The following RBM17 variants were observed in gnomAD, a reference collection of about 807,000 sequenced individuals.
RBM17 encodes the protein RNA binding motif protein 17.
In RBM17, 7 loss-of-function variants were observed where a neutral mutation model predicts 53.2. The observed-to-expected ratio is 0.13, with a 90% CI of 0.07 to 0.25. The LOEUF (loss-of-function observed/expected upper bound fraction) is 0.25, where lower values mean the gene tolerates loss of function less well. Ranked by LOEUF, RBM17 falls within the 10% of genes least tolerant of loss-of-function variation. RBM17 has a pLI of 1.00. For missense variants in RBM17, 257 were observed against 496.7 expected (o/e 0.52, Z 4.59); for synonymous variants, 167 against 178.1 (o/e 0.94, Z 0.50).
At position 6,112,408 on chromosome 10, in the gene RBM17, A is replaced by G. The variant is rs1840853215; in HGVS notation, c.856+47A>G. The G allele has an allele frequency of 6.2e-7, 1 of 1,607,348 alleles. No individual in the cohort carries two copies. Among genetic ancestry groups the G allele is most frequent in the South Asian group, 1.1e-5 (1 of 90,408 alleles). On this transcript the variant is annotated intron_variant, in intron 8 of 11. Transcript: ENST00000379888. This position sits in a 1 kb window ranked among gnomAD's most constrained non-coding sequence, Gnocchi z 4.4. The stretch of plus-strand genomic sequence containing the variant: ...TGACTAGAGGGAAAGGACTGGCCCC[A>G]TCCATATCAGACATGGCCAGTCTTG...
At chr10:6,096,175 T>A (rs985727891) in intron 1 of RBM17, among the ~76,000 whole-genome samples, 2 of 152,204 alleles carry the variant, frequency 1.3e-5, no homozygotes, top group Admixed American at 6.5e-5. Context: ...GGTTTCAGAA[T>A]GTTGATTTTT....
chr10:6,090,746 A>G (rs1278196903), intron 1 of RBM17, among the ~76,000 whole-genome samples: 1 of 152,022 alleles, frequency 6.6e-6, no homozygotes, highest in Non-Finnish European at 1.5e-5. Context: ...ATTACAGGTG[A>G]CTGTAGTGGA....
At chr10:6,097,000 C>A in intron 1 of RBM17, 48 bp from the exon 2 acceptor site, 1 of 1,547,032 alleles carries the variant, frequency 6.5e-7, no homozygotes, top group South Asian at 1.2e-5. Flanking sequence ...CATGAAAAGC[C>A]TTTATTGAAT....
intron 1 of RBM17, among the ~76,000 whole-genome samples, chr10:6,095,780 T>C (rs1404966087): frequency 1.3e-5 from 2 of 152,150 alleles, no homozygotes; most frequent in African/African-American, 4.8e-5. Flanking sequence ...TGGTGTGCAC[T>C]CCGTCCCCCA....
At chr10:6,107,617 G>T (rs1445338765) in intron 5 of RBM17, among the ~76,000 whole-genome samples, 1 of 150,232 alleles carries the variant, frequency 6.7e-6, no homozygotes, top group Non-Finnish European at 1.5e-5. Context: ...AAGTAGCTGG[G>T]ATTACAGGTG....
rs1471757150 is a variant in RBM17, at chr10:6,115,801, G to C, written c.*245G>C. On this transcript the variant is annotated 3_prime_UTR_variant, in exon 12 of 12. Coordinates refer to ENST00000379888, the MANE Select transcript of RBM17 (RefSeq NM_032905.5). ...GTTTCTCTTTTTTATTATTACTCCT[G>C]AGTTGATGACATTTTTTGTTAGATT... is the stretch of plus-strand genomic sequence containing the variant. The C allele has an allele frequency of 9.9e-6, 3 of 301,960 alleles. No individual in the cohort carries two copies. The highest frequency in any genetic ancestry group is 1.8e-5 in the Non-Finnish European group (3 of 169,054). The allele number at this position is 301,960 out of a possible 1,614,324, so 18.7% of individuals were successfully genotyped here. A position where few individuals can be genotyped will look rare whatever the true frequency, so the allele number is the denominator to read the frequency against.
rs1432890622 is a variant in RBM17 at position 6,105,234 on chromosome 10, AC to A, written c.407+138del. The A allele has an allele frequency of 2.1e-5, 16 of 757,008 alleles. No individual in the cohort carries two copies. The African/African-American group carries it at 2.6e-4, about 12-fold the overall frequency. The allele number at this position is 757,008 out of a possible 1,614,324, so 46.9% of individuals were successfully genotyped here. On this transcript the variant is annotated intron_variant, in intron 4 of 11. Transcript: ENST00000379888. ...CTGAGCAGTCACTACAAGGAATCAA[AC>A]TGTTTTACGATTTGTACCTGTTACA...
At chr10:6,099,909 T>C (rs1163334193) in intron 2 of RBM17, among the ~76,000 whole-genome samples, 1 of 152,064 alleles carries the variant, frequency 6.6e-6, no homozygotes, top group Non-Finnish European at 1.5e-5. Flanking sequence ...AATACAAATA[T>C]TAGCCCGGTG....
At chr10:6,113,698 T>C (rs761361444) in intron 9 of RBM17, 117 bp downstream of exon 9, 11 of 731,250 alleles carry the variant, frequency 1.5e-5, no homozygotes, top group South Asian at 3.3e-5. Context: ...AATAATACTT[T>C]GGGCAGATCC....
intron 4 of RBM17, among the ~76,000 whole-genome samples, chr10:6,105,719 G>A (rs1268882113): frequency 6.6e-6 from 1 of 152,128 alleles, no homozygotes; most frequent in African/African-American, 2.4e-5. Context: ...TGTATTTGTA[G>A]TTCTTTTTAA....
rs780062896 is a variant in RBM17, at chr10:6,106,146, G to T, written c.413G>T (p.Arg138Leu). 3 of 1,611,634 alleles carry T rather than the reference G, an allele frequency of 1.9e-6. No individual in the cohort carries two copies. Among genetic ancestry groups the T allele is most frequent in the Non-Finnish European group, 1.7e-6 (2 of 1,177,980 alleles). The part of the protein sequence containing the change: ...QKEIEEREKR[R>L]KDRHEASGFA... ...TATTTCCTTTGTTATCACAGAAGGC[G>T]TAAAGACAGACATGAAGCAAGTGGG... Residue 138 changes from arginine (R) to leucine (L), a missense_variant, in exon 5 of 12, where the codon CGT becomes CTT. Arg to Leu is a moderately radical substitution (Grantham distance 102). Around this residue, in one of 6 missense-constraint regions of RBM17, gnomAD observed 127 missense variants for 217.2 expected, o/e 0.58. Transcript: ENST00000379888.
At position 6,089,783 on chromosome 10, in the gene RBM17, C is replaced by G. The variant is rs1840454115; in HGVS notation, c.-19+590C>G. ...GACCCCAGGCAGTCTTTGAGCTTCG[C>G]CTCTTGCCCCGAGAATGTGTAATGA... On this transcript the variant is annotated intron_variant, in intron 1 of 11. Coordinates refer to ENST00000379888, the MANE Select transcript of RBM17 (RefSeq NM_032905.5). The surrounding 1 kb of genome is among the most constrained non-coding windows in gnomAD (Gnocchi z 5.6). 1 of 152,394 alleles carries G rather than the reference C, an allele frequency of 6.6e-6. No individual in the cohort carries two copies. The highest frequency in any genetic ancestry group is 1.5e-5 in the Non-Finnish European group (1 of 68,086). 9.4% of individuals were successfully genotyped at this position (152,394 alleles called of 1,614,324 possible).
intron 7 of RBM17, among the ~76,000 whole-genome samples, chr10:6,111,324 A>G (rs890726916): frequency 6.6e-6 from 1 of 152,164 alleles, no homozygotes; most frequent in African/African-American, 2.4e-5. Flanking sequence ...CAGCTCTACC[A>G]TTAACAGCTG....
At chr10:6,114,224 A>G (rs1840880681) in intron 10 of RBM17, 77 bp downstream of exon 10, 5 of 818,390 alleles carry the variant, frequency 6.1e-6, no homozygotes, top group South Asian at 4.6e-5. Flanking sequence ...CAAACAGGAC[A>G]GGGTATGCTA....
In RBM17 at chr10:6,113,592, G is replaced by T; in HGVS notation, c.930+11G>T. ...GTGGTCTTACTAAGGGTAAGAAGCT[G>T]AGGAAAGCAAGCTCTCTGCCTGCCT... On this transcript the variant is annotated intron_variant, in intron 9 of 11. Transcript: ENST00000379888. 1 of 1,585,974 alleles carries T rather than the reference G, an allele frequency of 6.3e-7. No homozygotes were observed. The highest frequency in any genetic ancestry group is 8.7e-7 in the Non-Finnish European group (1 of 1,154,778).
chr10:6,115,050 G>T, intron 10 of RBM17, 189 bp from the exon 11 acceptor site: 1 of 588,954 alleles, frequency 1.7e-6, no homozygotes. Context: ...AACAATGCCT[G>T]TCATAAAAAC....
chr10:6,114,169 G>A, intron 10 of RBM17, 22 bp downstream of exon 10: 1 of 1,393,786 alleles, frequency 7.2e-7, no homozygotes, highest in South Asian at 1.2e-5. Flanking sequence ...TTCTTTTGAT[G>A]TTTATAACAC....
In RBM17 at chr10:6,108,680, T is replaced by G. The variant is rs761132280; in HGVS notation, c.506-6T>G. ...TCCTTTAATGCTTGGATTTGTGGTT[T>G]TGCAGGTATGGGCGGAGCTGCCATT... On this transcript the variant is annotated splice_region_variant and splice_polypyrimidine_tract_variant and intron_variant, in intron 5 of 11. Coordinates refer to ENST00000379888, the MANE Select transcript of RBM17 (RefSeq NM_032905.5). 1 of 1,610,832 alleles carries G rather than the reference T, an allele frequency of 6.2e-7. No homozygotes were observed. Among genetic ancestry groups the G allele is most frequent in the East Asian group, 2.2e-5 (1 of 44,864 alleles).
At chr10:6,114,367 T>C (rs535109776) in intron 10 of RBM17, 1 of 411,112 alleles carries the variant, frequency 2.4e-6, no homozygotes, top group South Asian at 2.2e-5. Flanking sequence ...TGCTTCATGA[T>C]TGAGGATCAG....
Sources: gnomAD v4.1 joint callset for allele counts (sites outside exome capture counted in the v4.1 genomes callset) on GRCh38, gnomAD v4.1.1 for gene constraint, gnomAD v4.1.1 regional missense constraint, Gnocchi (gnomAD v3.1) non-coding constraint, MANE v1.5 for transcripts, NCBI Gene and HGNC (gene_info 2026-07-23, HGNC 2026-07-21) for gene names.